Variants in HDGFL3 observed in about 807,000 individuals in gnomAD.
HDGFL3 encodes the protein hepatoma-derived growth factor-related protein 3.
A neutral mutation model predicts 27.6 loss-of-function variants in HDGFL3; 6 were observed. The ratio of observed to expected loss-of-function variants is 0.22; its 90% CI spans 0.12 to 0.43. The LOEUF (loss-of-function observed/expected upper bound fraction) is 0.43. Ranked by LOEUF, HDGFL3 falls within the 20% of genes least tolerant of loss-of-function variation. The probability of loss-of-function intolerance (pLI) is 1.00; values close to 1 mark genes in which losing one functional copy is unlikely to be tolerated. For missense variants in HDGFL3, 207 were observed against 250.1 expected (o/e 0.83, Z 1.16); for synonymous variants, 88 against 88.9 (o/e 0.99, Z 0.05).
In HDGFL3 at chr15:83,207,240, G is replaced by T; in HGVS notation, c.84+91C>A. 2 of 905,490 alleles carry T rather than the reference G, an allele frequency of 2.2e-6. No individual in the cohort carries two copies. Among genetic ancestry groups the T allele is most frequent in the South Asian group, 3.9e-5 (1 of 25,884 alleles). The allele number at this position is 905,490 out of a possible 1,614,324, so 56.1% of individuals were successfully genotyped here. On this transcript the variant is annotated intron_variant, in intron 1 of 5. Coordinates refer to ENST00000299633, the MANE Select transcript of HDGFL3 (RefSeq NM_016073.4). The surrounding 1 kb of genome is among the most constrained non-coding windows in gnomAD (Gnocchi z 4.8). ...ACAGCCGGCCGCGAGCTGCGGGCTC[G>T]GGGCTGAGGCGATGGGGAAAGGGGG...
At chr15:83,171,435 C>T (rs1031386120) in intron 1 of HDGFL3, among the ~76,000 whole-genome samples, 1 of 152,130 alleles carries the variant, frequency 6.6e-6, no homozygotes, top group African/African-American at 2.4e-5. Flanking sequence ...CAAAAAGATA[C>T]CTGCTCCCTC....
At chr15:83,115,658 A>G (rs1197832704) in exon 4 of HDGFL3, 1 of 692,146 alleles carries the variant, frequency 1.4e-6, no homozygotes, top group Non-Finnish European at 2.6e-6. Flanking sequence ...GGATGGGGAG[A>G]GCTGCGAACA....
chr15:83,157,397 G>C lies in HDGFL3; in HGVS notation c.459+18C>G. On this transcript the variant is annotated intron_variant, in intron 4 of 5. Coordinates refer to ENST00000299633, the MANE Select transcript of HDGFL3 (RefSeq NM_016073.4). The stretch of plus-strand genomic sequence containing the variant: ...ATATGCATATAACATTAATAACAAT[G>C]AGAAGTTTCTTAGTAACCTTTGAAG... 1 of 1,606,448 alleles carries C rather than the reference G, an allele frequency of 6.2e-7. No individual in the cohort carries two copies. Among genetic ancestry groups the C allele is most frequent in the Non-Finnish European group, 8.5e-7 (1 of 1,173,832 alleles).
intron 2 of HDGFL3, among the ~76,000 whole-genome samples, chr15:83,159,581 TG>T (rs930719388): frequency 3.3e-5 from 5 of 151,584 alleles, no homozygotes; most frequent in Admixed American, 3.3e-4. Context: ...CAGAGAAGGA[TG>T]GGAAGAATAG....
At chr15:83,179,212 T>C (rs1330812027) in intron 1 of HDGFL3, 3 of 152,342 alleles carry the variant, frequency 2.0e-5, no homozygotes, top group Non-Finnish European at 4.4e-5. Context: ...GCAATTTCCA[T>C]GTGGCCCATG....
In HDGFL3 at chr15:83,165,794, C is replaced by CAAAAAAAAAAAAAAAAAAAAAAAAA. The variant is rs57873221; in HGVS notation, c.85-1744_85-1720dup. Among the ~76,000 whole-genome samples the CAAAAAAAAAAAAAAAAAAAAAAAAA allele has an allele frequency of 1.4e-4, 2 of 13,842 alleles. 1 individual carries two copies. The highest frequency in any genetic ancestry group is 3.6e-4 in the Non-Finnish European group (2 of 5,578). 9.1% of individuals were successfully genotyped at this position (13,842 alleles called of 152,430 possible). A position where few individuals can be genotyped will look rare whatever the true frequency, so the allele number is the denominator to read the frequency against. ...TGGATGACAGAGCAAGAATCCATCT[C>CAAAAAAAAAAAAAAAAAAAAAAAAA]AAAAAAAAAAAAAAAAAAAAAAAAA... On this transcript the variant is annotated intron_variant, in intron 1 of 5. Transcript: ENST00000299633.
chr15:83,126,180 C>A (rs1389581544), downstream of HDGFL3, among the ~76,000 whole-genome samples: 1 of 151,922 alleles, frequency 6.6e-6, no homozygotes, highest in Admixed American at 6.6e-5. Context: ...CTAGGTGGGA[C>A]AACATTTATG....
chr15:83,201,927 A>G (rs1343773689), intron 1 of HDGFL3, among the ~76,000 whole-genome samples: 1 of 152,206 alleles, frequency 6.6e-6, no homozygotes, highest in Non-Finnish European at 1.5e-5. Flanking sequence ...CCAGGACTGA[A>G]CAACTGATGT....
At chr15:83,166,975 A>G (rs2037178305) in intron 1 of HDGFL3, among the ~76,000 whole-genome samples, 1 of 152,236 alleles carries the variant, frequency 6.6e-6, no homozygotes, top group African/African-American at 2.4e-5. Context: ...AAATCAAACC[A>G]TATCAGCAAC....
chr15:83,139,337 G>A, intron 5 of HDGFL3, 62 bp from the exon 6 acceptor site: 1 of 1,084,386 alleles, frequency 9.2e-7, no homozygotes. Flanking sequence ...CTAACAATGA[G>A]AGCTATCCAC....
At chr15:83,186,615 T>A (rs1048190860) in intron 1 of HDGFL3, among the ~76,000 whole-genome samples, 6 of 152,154 alleles carry the variant, frequency 3.9e-5, no homozygotes, top group African/African-American at 1.2e-4. Flanking sequence ...TTATTTTAAG[T>A]GAAGTAACTC....
At chr15:83,177,207 T>C (rs1382065782) in intron 1 of HDGFL3, among the ~76,000 whole-genome samples, 1 of 152,172 alleles carries the variant, frequency 6.6e-6, no homozygotes, top group African/African-American at 2.4e-5. Context: ...GCGTGAGCCA[T>C]TTTGCATTTT....
intron 1 of HDGFL3, among the ~76,000 whole-genome samples, chr15:83,175,936 G>C (rs2037304734): frequency 6.6e-6 from 1 of 152,214 alleles, no homozygotes; most frequent in African/African-American, 2.4e-5. Context: ...GGACAGATGA[G>C]ACAGATTCTT....
chr15:83,136,514 G>A lies in HDGFL3; in HGVS notation c.*2756C>T. On this transcript the variant is annotated 3_prime_UTR_variant, in exon 6 of 6. Coordinates refer to ENST00000299633, the MANE Select transcript of HDGFL3 (RefSeq NM_016073.4). ...TTCTCACATTGGTGCATCTCTTCAT[G>A]CTAGAACTGCTTATGTCTACAGAGT... The A allele has an allele frequency of 1.2e-6, 2 of 1,603,450 alleles. No homozygotes were observed. Among genetic ancestry groups the A allele is most frequent in the Middle Eastern group, 1.7e-4 (1 of 6,000 alleles).
chr15:83,171,751 G>A (rs2037249321), intron 1 of HDGFL3, among the ~76,000 whole-genome samples: 1 of 152,168 alleles, frequency 6.6e-6, no homozygotes, highest in African/African-American at 2.4e-5. Flanking sequence ...GGGGATGGGA[G>A]GGAGGGGGAC....
chr15:83,196,211 TTTATTGACTTATTTATTAAGTCAATATAC>T (rs1280610504), intron 1 of HDGFL3, among the ~76,000 whole-genome samples: 45 of 151,664 alleles, frequency 3.0e-4, no homozygotes, highest in Middle Eastern at 3.4e-3. Flanking sequence ...GTCCATTATA[TTTATTGACTTATTTATTAAGTCAATATAC>T]TTATTGACTC....
chr15:83,143,355 C>T (rs909692276), intron 5 of HDGFL3, among the ~76,000 whole-genome samples: 14 of 150,588 alleles, frequency 9.3e-5, no homozygotes, highest in Admixed American at 6.6e-4. Context: ...GAGGTTGAGG[C>T]GGGCGAATCA....
At chr15:83,140,461 T>C (rs2036745020) in intron 5 of HDGFL3, among the ~76,000 whole-genome samples, 2 of 149,382 alleles carry the variant, frequency 1.3e-5, no homozygotes, top group African/African-American at 5.0e-5. Context: ...CAATGAAAAA[T>C]TGTTAGTCAA....
chr15:83,187,640 G>C (rs11857878), intron 1 of HDGFL3, among the ~76,000 whole-genome samples: 1 of 152,142 alleles, frequency 6.6e-6, no homozygotes, highest in Non-Finnish European at 1.5e-5. Context: ...TGTAATCCCA[G>C]CACTTTGGGA....
Sources: allele counts gnomAD v4.1 joint callset (sites outside exome capture counted in the v4.1 genomes callset), GRCh38; gene constraint gnomAD v4.1.1; non-coding constraint Gnocchi (gnomAD v3.1); transcripts MANE v1.5; gene names NCBI Gene and HGNC (gene_info 2026-07-23, HGNC 2026-07-21).